Variants in TTLL5 observed in about 807,000 individuals in gnomAD.
The protein encoded by TTLL5 is tubulin polyglutamylase TTLL5.
TTLL5 carries 132 observed loss-of-function variants against 168.4 expected under a neutral mutation model. That is an observed-to-expected ratio of 0.78 (90% CI 0.68 to 0.91). TTLL5 has a LOEUF of 0.91. Ranked by LOEUF, TTLL5 falls within the 40% of genes least tolerant of loss-of-function variation. TTLL5 has a pLI of 0.00. For missense variants in TTLL5, 1,545 were observed against 1,581.5 expected (o/e 0.98, Z 0.39); for synonymous variants, 546 against 558.6 (o/e 0.98, Z 0.32).
intron 28 of TTLL5, among the ~76,000 whole-genome samples, chr14:75,823,380 C>T (rs1894943703): frequency 6.6e-6 from 1 of 152,134 alleles, no homozygotes; most frequent in Non-Finnish European, 1.5e-5. Flanking sequence ...AGGTGTGGAG[C>T]ACTCAGTGGG....
intron 15 of TTLL5, among the ~76,000 whole-genome samples, chr14:75,739,536 A>G (rs1006273880): frequency 2.6e-5 from 4 of 151,852 alleles, no homozygotes; most frequent in Non-Finnish European, 4.4e-5. Flanking sequence ...TTATCTCTAT[A>G]TTTCTCCTTT....
intron 20 of TTLL5, among the ~76,000 whole-genome samples, chr14:75,768,812 A>G (rs1891111534): frequency 6.6e-6 from 1 of 152,168 alleles, no homozygotes; most frequent in Non-Finnish European, 1.5e-5. Flanking sequence ...GGATAGAGTT[A>G]AGGTTTGGAA....
At chr14:75,796,138 G>T (rs939681114) in intron 27 of TTLL5, among the ~76,000 whole-genome samples, 2 of 152,114 alleles carry the variant, frequency 1.3e-5, no homozygotes, top group Non-Finnish European at 2.9e-5. Context: ...CAGGAGTAAG[G>T]TAGTATTGCA....
chr14:75,852,924 G>C lies in TTLL5; in HGVS notation c.3327-10743G>C, dbSNP rs534128194. On this transcript the variant is annotated intron_variant, in intron 28 of 31. Transcript: ENST00000298832. ...TTACATTAAGATTTCTTAGTAGACT[G>C]TTTCAGTATGTATTAAGTTTATATC... 2.0e-5 allele frequency among the ~76,000 whole-genome samples: 3 copies of C among 152,266 alleles called. No individual in the cohort carries two copies. In the East Asian group the frequency reaches 5.8e-4, roughly 29 times the overall value.
intron 18 of TTLL5, chr14:75,757,927 A>G (rs1222288544): frequency 2.7e-6 from 4 of 1,504,094 alleles, no homozygotes; most frequent in Non-Finnish European, 3.6e-6. Flanking sequence ...GTGACCATGC[A>G]CAGACTAAGC....
At chr14:75,766,827 G>C (rs1890990451) in intron 20 of TTLL5, among the ~76,000 whole-genome samples, 1 of 152,110 alleles carries the variant, frequency 6.6e-6, no homozygotes, top group Non-Finnish European at 1.5e-5. Flanking sequence ...AGGAGCTTTG[G>C]GAAGTGATGG....
At chr14:75,933,031 AG>A (rs2034324765) in intron 31 of TTLL5, among the ~76,000 whole-genome samples, 1 of 152,228 alleles carries the variant, frequency 6.6e-6, no homozygotes, top group South Asian at 2.1e-4. Flanking sequence ...TTCAGAGAAA[AG>A]TTTAAGTAGC....
chr14:75,744,944 C>A, intron 15 of TTLL5, 151 bp from the exon 16 acceptor site: 1 of 630,486 alleles, frequency 1.6e-6, no homozygotes, highest in Non-Finnish European at 2.7e-6. Flanking sequence ...TTCCAGGGTT[C>A]CAGGCTGAGA....
At chr14:75,754,267 A>G (rs972034286) in intron 18 of TTLL5, among the ~76,000 whole-genome samples, 1 of 152,206 alleles carries the variant, frequency 6.6e-6, no homozygotes, top group Middle Eastern at 3.4e-3. Flanking sequence ...TCAGATCTCT[A>G]TTTTAGATTG....
intron 31 of TTLL5, among the ~76,000 whole-genome samples, chr14:75,921,477 A>C (rs2140139209): frequency 6.6e-6 from 1 of 152,372 alleles, no homozygotes; most frequent in East Asian, 1.9e-4. Context: ...TTTATTAAAA[A>C]GGGAATCCTT....
chr14:75,861,105 A>G (rs984199658), intron 28 of TTLL5, among the ~76,000 whole-genome samples: 1 of 152,216 alleles, frequency 6.6e-6, no homozygotes, highest in African/African-American at 2.4e-5. Flanking sequence ...TCGCACTCAG[A>G]AAACTTAATA....
rs1190709674 is a variant in TTLL5 at position 75,926,037 on chromosome 14, G to GT, written c.3823+23813_3823+23814insT. Among the ~76,000 whole-genome samples the GT allele has an allele frequency of 6.7e-5, 10 of 149,112 alleles. 1 individual carries two copies. Among genetic ancestry groups the GT allele is most frequent in the African/African-American group, 2.6e-4 (10 of 38,594 alleles). ...TTCGCCTTGGCATCAGAGGGAGACCGGGGAAAGAGAGGGAGAGGGAGACCG... is the reference window on the plus strand; with the variant it reads ...TTCGCCTTGGCATCAGAGGGAGACCGTGGGAAAGAGAGGGAGAGGGAGACCG... On this transcript the variant is annotated intron_variant, in intron 31 of 31. Transcript: ENST00000298832.
chr14:75,732,548 G>T (rs1346760857), intron 13 of TTLL5, 129 bp downstream of exon 13: 2 of 731,618 alleles, frequency 2.7e-6, no homozygotes, highest in Non-Finnish European at 4.5e-6. Flanking sequence ...GAGATAACCA[G>T]ACTTTCTTAA....
intron 30 of TTLL5, among the ~76,000 whole-genome samples, chr14:75,901,205 G>A (rs1475169068): frequency 1.3e-5 from 2 of 152,194 alleles, no homozygotes; most frequent in Admixed American, 6.5e-5. Flanking sequence ...TGTGCAAAAT[G>A]CAGCAGCAGT....
intron 18 of TTLL5, among the ~76,000 whole-genome samples, chr14:75,761,251 C>T (rs778266483): frequency 6.6e-6 from 1 of 152,034 alleles, no homozygotes; most frequent in Admixed American, 6.5e-5. Flanking sequence ...GGATGTGGAA[C>T]TAACAGAACT....
intron 31 of TTLL5, chr14:75,902,589 C>T (rs1165439451): frequency 4.3e-6 from 2 of 465,430 alleles, no homozygotes; most frequent in South Asian, 1.5e-5. Flanking sequence ...TTGATCTTAT[C>T]CCCTCCACAT....
intron 3 of TTLL5, among the ~76,000 whole-genome samples, chr14:75,670,002 C>T: frequency 6.6e-6 from 1 of 152,156 alleles, no homozygotes; most frequent in Admixed American, 6.5e-5. Context: ...TAAATGGAGT[C>T]ATGTGATATG....
intron 12 of TTLL5, among the ~76,000 whole-genome samples, chr14:75,721,750 C>T (rs927065928): frequency 1.3e-5 from 2 of 152,108 alleles, no homozygotes; most frequent in African/African-American, 4.8e-5. Flanking sequence ...CTGGCCCTTA[C>T]GTTGTACTCA....
At chr14:75,697,636 G>A (rs1289581651) in intron 6 of TTLL5, among the ~76,000 whole-genome samples, 4 of 152,180 alleles carry the variant, frequency 2.6e-5, no homozygotes, top group African/African-American at 9.7e-5. Flanking sequence ...AGTCATCTGG[G>A]AAAAGGAGCT....
Sources: allele counts gnomAD v4.1 joint callset (sites outside exome capture counted in the v4.1 genomes callset), GRCh38; gene constraint gnomAD v4.1.1; transcripts MANE v1.5; gene names NCBI Gene and HGNC (gene_info 2026-07-23, HGNC 2026-07-21).